Variants in DOCK1 observed in about 807,000 individuals in gnomAD.
DOCK1 encodes dedicator of cytokinesis 1.
DOCK1 carries 138 observed loss-of-function variants against 262.7 expected under a neutral mutation model. The observed-to-expected ratio is 0.53, with a 90% confidence interval of 0.46 to 0.61. The LOEUF is 0.61. DOCK1 is among the 20% of genes least tolerant of loss of function. The pLI is 0.00. For missense variants in DOCK1, 1,908 were observed against 2,370.7 expected (o/e 0.80, Z 4.05); for synonymous variants, 866 against 867.4 (o/e 1.00, Z 0.03).
At chr10:127,085,805 A>G in intron 23 of DOCK1, among the ~76,000 whole-genome samples, 1 of 152,128 alleles carries the variant, frequency 6.6e-6, no homozygotes, top group East Asian at 1.9e-4. Flanking sequence ...AGCAGGAGGG[A>G]ACTGAGTTCT....
intron 23 of DOCK1, among the ~76,000 whole-genome samples, chr10:127,098,304 TC>T (rs1178300175): frequency 1.3e-5 from 2 of 152,240 alleles, no homozygotes; most frequent in African/African-American, 4.8e-5. Context: ...CTGATTCTAC[TC>T]AGTATTTGCC....
intron 27 of DOCK1, among the ~76,000 whole-genome samples, chr10:127,183,122 G>A (rs1383887901): frequency 1.1e-5 from 1 of 94,158 alleles, no homozygotes; most frequent in Non-Finnish European, 2.0e-5. Flanking sequence ...TTTGACTCAT[G>A]ATTTATCTGA....
chr10:127,018,340 A>C (rs1215593545), intron 12 of DOCK1, among the ~76,000 whole-genome samples: 2 of 152,212 alleles, frequency 1.3e-5, no homozygotes, highest in African/African-American at 4.8e-5. Flanking sequence ...AGACTAGAAA[A>C]TGACAGACTT....
chr10:127,259,627 A>G (rs2059946135), intron 29 of DOCK1, among the ~76,000 whole-genome samples: 3 of 152,194 alleles, frequency 2.0e-5, no homozygotes, highest in Admixed American at 6.5e-5. Context: ...CTCCCAGCAG[A>G]GCAGCACGTC....
chr10:127,408,181 T>A (rs2067630866), intron 40 of DOCK1, among the ~76,000 whole-genome samples: 1 of 152,178 alleles, frequency 6.6e-6, no homozygotes, highest in Non-Finnish European at 1.5e-5. Context: ...AACACTTACC[T>A]ACTTAACTCC....
intron 21 of DOCK1, among the ~76,000 whole-genome samples, chr10:127,046,811 G>A (rs2044380987): frequency 6.7e-6 from 1 of 150,232 alleles, no homozygotes; most frequent in Non-Finnish European, 1.5e-5. Flanking sequence ...GGTAAAATAG[G>A]TACTCTTAGC....
intron 3 of DOCK1, among the ~76,000 whole-genome samples, chr10:126,979,190 A>G (rs2038766488): frequency 6.6e-6 from 1 of 152,174 alleles, no homozygotes; most frequent in South Asian, 2.1e-4. Flanking sequence ...CTCCAAGGAA[A>G]GTTCTATTTT....
intron 50 of DOCK1, among the ~76,000 whole-genome samples, chr10:127,445,417 G>T (rs913194919): frequency 6.6e-6 from 1 of 152,224 alleles, no homozygotes; most frequent in Non-Finnish European, 1.5e-5. Context: ...GCTGGCTGCA[G>T]GAGTGGATGC....
rs534680786 is a variant in DOCK1, at chr10:127,100,323, C to T, written c.2446-5908C>T. ...TAACAGCCTGAACCGAGGGCTCTGT[C>T]GCTGCCTAGAAGGGGGCTGTGAGGA... On this transcript the variant is annotated intron_variant, in intron 23 of 51. Coordinates refer to ENST00000623213, the MANE Select transcript of DOCK1 (RefSeq NM_001290223.2). The surrounding 1 kb of genome is among the most constrained non-coding windows in gnomAD (Gnocchi z 5.5). Among the ~76,000 whole-genome samples, 27 of 152,194 alleles carry T rather than the reference C, an allele frequency of 1.8e-4. No homozygotes were observed. Among genetic ancestry groups the T allele is most frequent in the South Asian group, 4.1e-4 (2 of 4,824 alleles).
chr10:127,314,156 G>T (rs1055620635), intron 29 of DOCK1, among the ~76,000 whole-genome samples: 1 of 152,214 alleles, frequency 6.6e-6, no homozygotes, highest in Non-Finnish European at 1.5e-5. Flanking sequence ...AAGACCTGGG[G>T]ATCCGAATAA....
At chr10:126,907,393 G>A (rs568937405) in intron 1 of DOCK1, among the ~76,000 whole-genome samples, 3 of 152,248 alleles carry the variant, frequency 2.0e-5, no homozygotes, top group East Asian at 1.9e-4. Context: ...CATTGGGGGT[G>A]TAGTGGGGGC....
At chr10:127,435,997 C>G (rs1211950504) in intron 48 of DOCK1, among the ~76,000 whole-genome samples, 1 of 152,212 alleles carries the variant, frequency 6.6e-6, no homozygotes, top group East Asian at 1.9e-4. Context: ...ACAGCATCTA[C>G]TAATCCTTTT....
chr10:127,098,019 G>A (rs1401730756), intron 23 of DOCK1, among the ~76,000 whole-genome samples: 2 of 152,106 alleles, frequency 1.3e-5, no homozygotes, highest in Non-Finnish European at 2.9e-5. Flanking sequence ...TCCCACTTTC[G>A]TCCCTCACCC....
intron 29 of DOCK1, among the ~76,000 whole-genome samples, chr10:127,294,848 G>C (rs993895503): frequency 1.3e-5 from 2 of 150,686 alleles, no homozygotes; most frequent in African/African-American, 4.9e-5. Context: ...CGCCACATTG[G>C]CCAGGCTGGT....
intron 1 of DOCK1, among the ~76,000 whole-genome samples, chr10:126,919,899 C>T (rs2033001558): frequency 6.6e-6 from 1 of 152,218 alleles, no homozygotes; most frequent in South Asian, 2.1e-4. Context: ...GAGATTTCAT[C>T]ATAGCAAAAT....
chr10:127,207,031 G>A (rs1039917678), intron 27 of DOCK1, among the ~76,000 whole-genome samples: 2 of 152,176 alleles, frequency 1.3e-5, no homozygotes, highest in African/African-American at 4.8e-5. Flanking sequence ...CAGTGGAGGT[G>A]TAATCTCTCC....
Position 127,452,399 on chromosome 10 carries a change from T to TAAAC in DOCK1, c.*974_*975insACAA, listed in dbSNP as rs2071021880. ...TGATTTTTAAAAAACTAACTTTGTATAACCTAATATTTGTATTCTCTCATC... is the reference window on the plus strand; with the variant it reads ...TGATTTTTAAAAAACTAACTTTGTATAAACAACCTAATATTTGTATTCTCTCATC... On this transcript the variant is annotated 3_prime_UTR_variant, in exon 52 of 52. Coordinates refer to ENST00000623213, the MANE Select transcript of DOCK1 (RefSeq NM_001290223.2). 1 of 152,658 alleles carries TAAAC rather than the reference T, an allele frequency of 6.6e-6. No individual in the cohort carries two copies. The highest frequency in any genetic ancestry group is 2.4e-5 in the African/African-American group (1 of 41,448). The allele number at this position is 152,658 out of a possible 1,614,324, so 9.5% of individuals were successfully genotyped here. A position where few individuals can be genotyped will look rare whatever the true frequency, so the allele number is the denominator to read the frequency against.
At chr10:127,319,907 C>T (rs1189510838) in intron 29 of DOCK1, among the ~76,000 whole-genome samples, 6 of 152,190 alleles carry the variant, frequency 3.9e-5, no homozygotes, top group Admixed American at 2.6e-4. Context: ...GAGGGCAAGA[C>T]GCTGGCTAGC....
chr10:127,010,008 C>T (rs766069865), intron 11 of DOCK1, among the ~76,000 whole-genome samples: 28 of 152,138 alleles, frequency 1.8e-4, no homozygotes, highest in East Asian at 1.3e-3. Context: ...ATCTTCTTGA[C>T]GTAAGAATAA....
Sources: gnomAD v4.1 joint callset for allele counts (sites outside exome capture counted in the v4.1 genomes callset) on GRCh38, gnomAD v4.1.1 for gene constraint, Gnocchi (gnomAD v3.1) non-coding constraint, MANE v1.5 for transcripts, NCBI Gene and HGNC (gene_info 2026-07-23, HGNC 2026-07-21) for gene names.